Variants in MYBL1 observed in about 807,000 individuals in gnomAD.
The protein encoded by MYBL1 is myb-related protein A.
Under a neutral mutation model 96.3 loss-of-function variants are expected in MYBL1, and 17 were observed. That is an observed-to-expected ratio of 0.18 (90% CI 0.12 to 0.26). The LOEUF (loss-of-function observed/expected upper bound fraction) is 0.26. Among genes scored for constraint, MYBL1 ranks in the 10% least tolerant of loss-of-function variants. MYBL1 has a pLI of 1.00. For synonymous variants in MYBL1, 282 were observed against 292.7 expected, an observed-to-expected ratio of 0.96 and a Z score of 0.37; for missense variants, 701 against 882.9, an observed-to-expected ratio of 0.79 and a Z score of 2.61.
chr8:66,577,094 A>G (rs1218822049), intron 9 of MYBL1, among the ~76,000 whole-genome samples: 7 of 151,924 alleles, frequency 4.6e-5, no homozygotes, highest in Admixed American at 2.6e-4. Context: ...AATAAGAGCT[A>G]TCTATGACAA....
At chr8:66,586,518 A>G (rs956229753) in intron 8 of MYBL1, among the ~76,000 whole-genome samples, 7 of 152,234 alleles carry the variant, frequency 4.6e-5, no homozygotes, top group Non-Finnish European at 7.3e-5. Flanking sequence ...CTATTATCAA[A>G]AAGACAAAAA....
intron 8 of MYBL1, among the ~76,000 whole-genome samples, chr8:66,590,601 C>CAAA (rs983941485): frequency 9.2e-5 from 6 of 65,246 alleles, no homozygotes; most frequent in Admixed American, 1.7e-4. Flanking sequence ...CTTAGCTAAT[C>CAAA]AAAAAAAAAA....
intron 10 of MYBL1, 73 bp from the exon 11 acceptor site, chr8:66,573,579 A>G (rs1808822068): frequency 4.8e-6 from 6 of 1,261,956 alleles, no homozygotes; most frequent in Non-Finnish European, 6.4e-6. Flanking sequence ...AACTGATAAG[A>G]TTTTCAAATT....
At chr8:66,565,556 C>T (rs1045906788) in intron 15 of MYBL1, 2 of 152,128 alleles carry the variant, frequency 1.3e-5, no homozygotes, top group African/African-American at 4.8e-5. Flanking sequence ...CTCAAATTCT[C>T]TGGGGTAAAC....
At chr8:66,570,461 A>G (rs1013256905) in intron 12 of MYBL1, among the ~76,000 whole-genome samples, 7 of 152,066 alleles carry the variant, frequency 4.6e-5, no homozygotes, top group African/African-American at 1.7e-4. Context: ...CCAGCTATCA[A>G]ATTATAATTT....
intron 12 of MYBL1, among the ~76,000 whole-genome samples, chr8:66,572,247 G>T (rs148297702): frequency 1.3e-5 from 2 of 151,908 alleles, no homozygotes; most frequent in East Asian, 1.9e-4. Context: ...TTGAACCCAG[G>T]GGGTGGAGGT....
intron 6 of MYBL1, among the ~76,000 whole-genome samples, chr8:66,594,194 C>T (rs532666642): frequency 4.6e-5 from 7 of 151,890 alleles, no homozygotes; most frequent in East Asian, 3.9e-4. Flanking sequence ...GTCTGCTTTC[C>T]GTAATGGTCT....
intron 1 of MYBL1, among the ~76,000 whole-genome samples, chr8:66,603,098 GGGA>G (rs1400532627): frequency 1.3e-5 from 2 of 151,840 alleles, no homozygotes; most frequent in African/African-American, 4.8e-5. Flanking sequence ...ATGCCACTAC[GGGA>G]AAAATCATAA....
At chr8:66,574,811 T>C (rs753352848) in intron 10 of MYBL1, among the ~76,000 whole-genome samples, 3 of 152,224 alleles carry the variant, frequency 2.0e-5, no homozygotes, top group Non-Finnish European at 4.4e-5. Context: ...TCCCAGCACT[T>C]TGGGAGGCCG....
At position 66,599,134 on chromosome 8, in the gene MYBL1, A is replaced by T. The variant is rs1282115907; in HGVS notation, c.207T>A (p.Ser69=). Residue 69 remains serine, a synonymous_variant, in exon 4 of 16, where the codon TCT becomes TCA. Transcript: ENST00000522677. ...GCCATCGATGCTGGCACTGAAAATC[A>T]GAGCGATTCTGAAAAAATTTAGAAG... ...TLIASHLQNR[S]DFQCQHRWQK... is the part of the protein sequence containing the mutation. 1 of 1,582,050 alleles carries T rather than the reference A, an allele frequency of 6.3e-7. No individual in the cohort carries two copies. Among genetic ancestry groups the T allele is most frequent in the African/African-American group, 1.4e-5 (1 of 73,584 alleles).
chr8:66,579,643 T>G (rs1320323594), intron 9 of MYBL1, among the ~76,000 whole-genome samples: 4 of 147,682 alleles, frequency 2.7e-5, no homozygotes, highest in African/African-American at 1.0e-4. Flanking sequence ...GGCGACAGAG[T>G]GAGATGCCAT....
intron 8 of MYBL1, among the ~76,000 whole-genome samples, chr8:66,586,757 T>A (rs1194335542): frequency 6.6e-6 from 1 of 152,158 alleles, no homozygotes; most frequent in East Asian, 1.9e-4. Flanking sequence ...ATCAACCTAA[T>A]TGCCTATCAA....
chr8:66,576,773 C>A (rs936381092), intron 9 of MYBL1, among the ~76,000 whole-genome samples: 1 of 152,124 alleles, frequency 6.6e-6, no homozygotes, highest in Non-Finnish European at 1.5e-5. Flanking sequence ...TGGTGATATA[C>A]TTTGATCCAG....
chr8:66,589,251 T>C (rs1399297909), intron 8 of MYBL1, among the ~76,000 whole-genome samples: 9 of 151,982 alleles, frequency 5.9e-5, no homozygotes, highest in Non-Finnish European at 5.9e-5. Context: ...CTATTAAAAA[T>C]CCAAAATGGT....
intron 12 of MYBL1, among the ~76,000 whole-genome samples, chr8:66,571,020 A>T (rs1327039458): frequency 1.3e-5 from 2 of 152,218 alleles, no homozygotes. Flanking sequence ...CGTGTGTAAC[A>T]TGCTTTTGGG....
chr8:66,590,045 G>A (rs966911606), intron 8 of MYBL1, among the ~76,000 whole-genome samples: 1 of 151,992 alleles, frequency 6.6e-6, no homozygotes, highest in African/African-American at 2.4e-5. Context: ...CTGCACTCCA[G>A]CCTAGGCAAC....
intron 5 of MYBL1, 91 bp downstream of exon 5, chr8:66,597,239 A>G (rs960921380): frequency 7.7e-6 from 7 of 907,694 alleles, no homozygotes; most frequent in Non-Finnish European, 9.4e-6. Flanking sequence ...TTTAAAAAAT[A>G]AGTCATCGGG....
chr8:66,570,131 T>A (rs1372153743), intron 12 of MYBL1, among the ~76,000 whole-genome samples: 2 of 152,306 alleles, frequency 1.3e-5, no homozygotes, highest in Non-Finnish European at 1.5e-5. Context: ...AATTTATAAA[T>A]CATTGCCTTC....
intron 5 of MYBL1, among the ~76,000 whole-genome samples, chr8:66,596,487 G>T (rs1255948650): frequency 6.6e-6 from 1 of 152,080 alleles, no homozygotes; most frequent in Non-Finnish European, 1.5e-5. Flanking sequence ...TCTATGAAAA[G>T]TAAGAAGACG....
Sources: allele counts gnomAD v4.1 joint callset (sites outside exome capture counted in the v4.1 genomes callset), GRCh38; gene constraint gnomAD v4.1.1; transcripts MANE v1.5; gene names NCBI Gene and HGNC (gene_info 2026-07-23, HGNC 2026-07-21).